HS3ST5: variants seen among roughly 807,000 people sequenced by gnomAD.
HS3ST5 encodes the protein heparan sulfate-glucosamine 3-sulfotransferase 5, also known as heparan sulfate glucosamine 3-O-sulfotransferase 5.
In HS3ST5, 10 loss-of-function variants were observed where a neutral mutation model predicts 25.4. The ratio of observed to expected loss-of-function variants is 0.39; its 90% CI spans 0.24 to 0.67. The LOEUF is 0.67. HS3ST5 is among the 30% of genes least tolerant of loss of function. HS3ST5 has a pLI of 0.44. For synonymous variants in HS3ST5, 170 were observed against 162.4 expected (o/e 1.05, Z -0.36); for missense variants, 324 against 420.7 (o/e 0.77, Z 2.01).
chr6:114,264,889 T>C (rs1773336682), intron 1 of HS3ST5, among the ~76,000 whole-genome samples: 2 of 152,068 alleles, frequency 1.3e-5, no homozygotes, highest in African/African-American at 2.4e-5. Flanking sequence ...GGGGTTTGTT[T>C]TGTTTTTTGA....
chr6:114,252,060 A>T (rs939358358), intron 1 of HS3ST5: 2 of 152,200 alleles, frequency 1.3e-5, no homozygotes, highest in Non-Finnish European at 2.9e-5. Flanking sequence ...GCCATAAATT[A>T]TAATTATTTC....
intron 3 of HS3ST5, among the ~76,000 whole-genome samples, chr6:114,091,404 G>A (rs899319566): frequency 6.6e-6 from 1 of 152,082 alleles, no homozygotes; most frequent in Non-Finnish European, 1.5e-5. Context: ...GTGGCTGGGT[G>A]CAGTGGCTCA....
chr6:114,081,349 A>G (rs1003094347), intron 3 of HS3ST5, among the ~76,000 whole-genome samples: 4 of 152,016 alleles, frequency 2.6e-5, no homozygotes, highest in Non-Finnish European at 5.9e-5. Context: ...GTTGCAACAC[A>G]TCTTTAATTA....
chr6:114,267,823 G>A (rs1327295676), intron 1 of HS3ST5, among the ~76,000 whole-genome samples: 1 of 152,038 alleles, frequency 6.6e-6, no homozygotes, highest in Non-Finnish European at 1.5e-5. Flanking sequence ...CGAATTCCGG[G>A]TCACTAGTTT....
intron 1 of HS3ST5, among the ~76,000 whole-genome samples, chr6:114,308,967 C>A (rs1775418258): frequency 6.6e-6 from 1 of 152,148 alleles, no homozygotes. Flanking sequence ...ATCATGTTAA[C>A]CGGCAACTAG....
chr6:114,230,408 C>A (rs1201437447), intron 1 of HS3ST5: 2 of 151,988 alleles, frequency 1.3e-5, no homozygotes, highest in African/African-American at 2.4e-5. Flanking sequence ...CTTGTGGATT[C>A]TTTTTTACTG....
At chr6:114,289,740 G>C (rs747570045) in intron 1 of HS3ST5, among the ~76,000 whole-genome samples, 1 of 152,220 alleles carries the variant, frequency 6.6e-6, no homozygotes, top group East Asian at 1.9e-4. Context: ...AGCTCTACAA[G>C]TACAAAGCTC....
rs530401294 is a variant in HS3ST5 at position 114,291,181 on chromosome 6, C to A, written c.-339+51014G>T. Among the ~76,000 whole-genome samples the A allele has an allele frequency of 2.4e-4, 36 of 152,170 alleles. 1 individual carries two copies. In the South Asian group the frequency reaches 6.9e-3, roughly 29 times the overall value. ...CCGCTTGCCCAGCCACTTAGTACAA[C>A]TACTAGTTGGGGAGTGCATGATTTC... On this transcript the variant is annotated intron_variant, in intron 1 of 4. Coordinates refer to ENST00000312719, the MANE Select transcript of HS3ST5 (RefSeq NM_153612.4).
chr6:114,073,531 T>C (rs1363103421), intron 3 of HS3ST5, among the ~76,000 whole-genome samples: 6 of 152,032 alleles, frequency 3.9e-5, no homozygotes, highest in Non-Finnish European at 8.8e-5. Context: ...AACAGACATA[T>C]GAAAAAATGC....
chr6:114,320,475 G>A (rs1417320966), intron 1 of HS3ST5, among the ~76,000 whole-genome samples: 1 of 151,970 alleles, frequency 6.6e-6, no homozygotes, highest in African/African-American at 2.4e-5. Flanking sequence ...TCCTCTCACT[G>A]TCCAAATAAC....
intron 1 of HS3ST5, among the ~76,000 whole-genome samples, chr6:114,229,808 A>T (rs1167415243): frequency 6.6e-6 from 1 of 152,176 alleles, no homozygotes; most frequent in Non-Finnish European, 1.5e-5. Flanking sequence ...TTCGGGATAG[A>T]GCAGCTGTCT....
intron 3 of HS3ST5, among the ~76,000 whole-genome samples, chr6:114,146,481 G>A (rs944707258): frequency 3.3e-5 from 5 of 152,220 alleles, no homozygotes; most frequent in Admixed American, 1.3e-4. Flanking sequence ...ATATGGGCAA[G>A]GAAGAACCTC....
chr6:114,195,703 G>A lies in HS3ST5; in HGVS notation c.-144-27241C>T, dbSNP rs536830807. 5.9e-5 allele frequency among the ~76,000 whole-genome samples: 9 copies of A among 152,278 alleles called. No individual in the cohort carries two copies. In the South Asian group the frequency reaches 1.9e-3, roughly 32 times the overall value. On this transcript the variant is annotated intron_variant, in intron 2 of 4. Transcript: ENST00000312719. Reference sequence around the variant, plus strand: ...GAAGAAATAGAATTTATAGGTGTATGTCCTCAGGAAGGATAAGAGTGAACT... The same window carrying A: ...GAAGAAATAGAATTTATAGGTGTATATCCTCAGGAAGGATAAGAGTGAACT...
At chr6:114,313,439 T>C (rs1016936098) in intron 1 of HS3ST5, among the ~76,000 whole-genome samples, 4 of 152,196 alleles carry the variant, frequency 2.6e-5, no homozygotes, top group Non-Finnish European at 5.9e-5. Context: ...TCAACCCAAA[T>C]GTCCAACAAC....
At chr6:114,148,051 A>G (rs1469483530) in intron 3 of HS3ST5, among the ~76,000 whole-genome samples, 2 of 152,204 alleles carry the variant, frequency 1.3e-5, no homozygotes, top group Non-Finnish European at 2.9e-5. Flanking sequence ...TAGGTACCAT[A>G]AGATCATTTT....
chr6:114,216,342 C>G (rs1240955874), intron 2 of HS3ST5, among the ~76,000 whole-genome samples: 1 of 152,160 alleles, frequency 6.6e-6, no homozygotes, highest in Non-Finnish European at 1.5e-5. Context: ...ACAAATAAAA[C>G]CAGCATATCA....
At chr6:114,297,213 T>C (rs1774862984) in intron 1 of HS3ST5, among the ~76,000 whole-genome samples, 1 of 152,044 alleles carries the variant, frequency 6.6e-6, no homozygotes, top group Non-Finnish European at 1.5e-5. Context: ...AGTGTTTTTT[T>C]TTTAGATATA....
At chr6:114,140,583 G>A (rs1320519890) in intron 3 of HS3ST5, among the ~76,000 whole-genome samples, 1 of 152,150 alleles carries the variant, frequency 6.6e-6, no homozygotes, top group Non-Finnish European at 1.5e-5. Context: ...GAAAGCACTG[G>A]ACCTTGCTGA....
At chr6:114,214,957 AGAGT>A (rs1781682454) in intron 2 of HS3ST5, among the ~76,000 whole-genome samples, 1 of 152,178 alleles carries the variant, frequency 6.6e-6, no homozygotes, top group African/African-American at 2.4e-5. Flanking sequence ...CTGCTGAGAT[AGAGT>A]AATTACTCCC....
Sources: allele counts gnomAD v4.1 joint callset (sites outside exome capture counted in the v4.1 genomes callset), GRCh38; gene constraint gnomAD v4.1.1; transcripts MANE v1.5; gene names NCBI Gene and HGNC (gene_info 2026-07-23, HGNC 2026-07-21).